Variants in CAST observed in about 807,000 individuals in gnomAD.
CAST encodes the protein MIR583 host.
A neutral mutation model predicts 119.6 loss-of-function variants in CAST; 76 were observed. The observed-to-expected ratio is 0.64, with a 90% CI of 0.53 to 0.77. The LOEUF is 0.77. Among genes scored for constraint, CAST ranks in the 30% least tolerant of loss-of-function variants. The pLI is 0.00. For synonymous variants in CAST, 319 were observed against 331.6 expected (o/e 0.96, Z 0.41); for missense variants, 953 against 946.5 (o/e 1.01, Z -0.09).
chr5:96,727,546 C>T lies in CAST; in HGVS notation c.378+16C>T, dbSNP rs765429367. Reference sequence around the variant, plus strand: ...GTCAACCAAGGTAAATAGTTTAAGTCTGTTAGTTAGTTATTTGGATTCTTT... The same window carrying T: ...GTCAACCAAGGTAAATAGTTTAAGTTTGTTAGTTAGTTATTTGGATTCTTT... On this transcript the variant is annotated intron_variant, in intron 6 of 31. Coordinates refer to ENST00000675179, the MANE Select transcript of CAST (RefSeq NM_001750.7). 4.0e-6 allele frequency: 6 copies of T among 1,512,006 alleles called. No homozygotes were observed. Among genetic ancestry groups the T allele is most frequent in the Non-Finnish European group, 5.4e-6 (6 of 1,103,240 alleles). 93.7% of individuals were successfully genotyped at this position (1,512,006 alleles called of 1,614,324 possible).
the CAST span, among the ~76,000 whole-genome samples, chr5:96,241,029 A>G: frequency 4.3e-3 from 648 of 152,130 alleles, 12 homozygotes; most frequent in African/African-American, 0.015. Context: ...TATTTGTTTT[A>G]TGTGCTTAAA....
At chr5:96,133,375 A>T in the CAST span, among the ~76,000 whole-genome samples, 1 of 151,934 alleles carries the variant, frequency 6.6e-6, no homozygotes, top group Non-Finnish European at 1.5e-5. Context: ...GAGAAAAAGG[A>T]TGTGGGGACA....
the CAST span, among the ~76,000 whole-genome samples, chr5:96,452,976 A>AAAAAAAAAAAAAAG: frequency 5.1e-4 from 72 of 142,386 alleles, no homozygotes; most frequent in African/African-American, 1.9e-3. Flanking sequence ...AAAAAAAAAA[A>AAAAAAAAAAAAAAG]CAGAAGAAAG....
chr5:96,468,432 C>G, the CAST span, among the ~76,000 whole-genome samples: 1 of 152,008 alleles, frequency 6.6e-6, no homozygotes, highest in Non-Finnish European at 1.5e-5. Flanking sequence ...ATGATATAAC[C>G]TATACACCAT....
chr5:96,539,515 C>T (rs1329370021), intron 1 of CAST, among the ~76,000 whole-genome samples: 2 of 152,078 alleles, frequency 1.3e-5, no homozygotes, highest in East Asian at 1.9e-4. Context: ...TTTTAACCAT[C>T]GCTTTTCATC....
In CAST at chr5:96,767,459, A is replaced by T; in HGVS notation, c.2152A>T (p.Thr718Ser). ...TAAGGACAAACCAGTGAAGCCACCT[A>T]CAAAGAAATCAGAGGATTCAAAGGT... is the stretch of plus-strand genomic sequence containing the variant. The part of the protein sequence containing the change: ...NGQDKPVKPP[T>S]KKSEDSKKPA... Residue 718 changes from threonine to serine, a missense_variant, in exon 28 of 32, where the codon ACA becomes TCA. Transcript: ENST00000675179. 6.2e-7 allele frequency: 1 copy of T among 1,612,934 alleles called. No homozygotes were observed. The highest frequency in any genetic ancestry group is 8.5e-7 in the Non-Finnish European group (1 of 1,179,124).
chr5:96,447,775 T>C, the CAST span, among the ~76,000 whole-genome samples: 1 of 152,164 alleles, frequency 6.6e-6, no homozygotes, highest in African/African-American at 2.4e-5. Context: ...GTGTAAAATA[T>C]ATCACATATA....
the CAST span, among the ~76,000 whole-genome samples, chr5:96,245,517 G>A: frequency 6.6e-6 from 1 of 152,004 alleles, no homozygotes; most frequent in East Asian, 1.9e-4. Flanking sequence ...CAATAGAAGG[G>A]AAGAGGTTAA....
At chr5:96,381,905 T>C in the CAST span, among the ~76,000 whole-genome samples, 2 of 152,252 alleles carry the variant, frequency 1.3e-5, no homozygotes, top group East Asian at 3.8e-4. Context: ...GTGCATTTTC[T>C]TATCAAGATA....
chr5:96,052,740 G>A, the CAST span, among the ~76,000 whole-genome samples: 2 of 152,214 alleles, frequency 1.3e-5, no homozygotes, highest in African/African-American at 2.4e-5. Flanking sequence ...AAGAATAGCT[G>A]TAGTTGTACA....
At chr5:96,605,382 T>C (rs1187397572) in intron 1 of CAST, among the ~76,000 whole-genome samples, 1 of 152,214 alleles carries the variant, frequency 6.6e-6, no homozygotes, top group Non-Finnish European at 1.5e-5. Context: ...CACTCAGAGA[T>C]GTTAAACTTG....
intron 1 of CAST, among the ~76,000 whole-genome samples, chr5:96,547,788 G>T (rs749949895): frequency 1.4e-4 from 22 of 152,252 alleles, no homozygotes; most frequent in Non-Finnish European, 2.4e-4. Context: ...ATAGACTACT[G>T]TCCTTACTTC....
At chr5:96,410,753 A>C in the CAST span, 1 of 1,593,338 alleles carries the variant, frequency 6.3e-7, no homozygotes, top group Middle Eastern at 1.7e-4. Context: ...AAGCAGAGAG[A>C]ATTAGACAAA....
intron 2 of CAST, among the ~76,000 whole-genome samples, chr5:96,692,724 C>T (rs73774391): frequency 0.017 from 2,598 of 152,284 alleles, 73 homozygotes; most frequent in African/African-American, 0.059. Context: ...GCCAATCACT[C>T]TCTGTTACCT....
the CAST span, among the ~76,000 whole-genome samples, chr5:96,357,228 G>A: frequency 2.0e-5 from 3 of 152,114 alleles, no homozygotes; most frequent in African/African-American, 7.2e-5. Context: ...AAGGAGATTT[G>A]GGGCTGAGAC....
intron 2 of CAST, among the ~76,000 whole-genome samples, chr5:96,681,267 T>A (rs1205944011): frequency 6.6e-6 from 1 of 152,206 alleles, no homozygotes; most frequent in Non-Finnish European, 1.5e-5. Flanking sequence ...TTGTACAACA[T>A]CCTTGGGTCA....
chr5:95,981,259 A>C, the CAST span, among the ~76,000 whole-genome samples: 2 of 152,208 alleles, frequency 1.3e-5, no homozygotes, highest in Non-Finnish European at 2.9e-5. Context: ...ATTAAACCTC[A>C]TGGGGTAAAG....
At chr5:96,540,058 A>G (rs893221783) in intron 1 of CAST, among the ~76,000 whole-genome samples, 52 of 152,240 alleles carry the variant, frequency 3.4e-4, no homozygotes, top group African/African-American at 1.2e-3. Context: ...AAATATGTGT[A>G]GTATAAGAAT....
chr5:96,157,005 A>G, the CAST span, among the ~76,000 whole-genome samples: 1 of 152,206 alleles, frequency 6.6e-6, no homozygotes, highest in South Asian at 2.1e-4. Context: ...TTCATTTGGA[A>G]ATTTGTGTAT....
Sources: gnomAD v4.1 joint callset for allele counts (sites outside exome capture counted in the v4.1 genomes callset) on GRCh38, gnomAD v4.1.1 for gene constraint, MANE v1.5 for transcripts, NCBI Gene and HGNC (gene_info 2026-07-23, HGNC 2026-07-21) for gene names.